Variants in SEPTIN11 observed in about 807,000 individuals in gnomAD.
SEPTIN11 encodes septin 11.
In SEPTIN11, 25 loss-of-function variants were observed where a neutral mutation model predicts 51.4. The observed-to-expected ratio is 0.49, with a 90% CI of 0.35 to 0.68. The LOEUF (loss-of-function observed/expected upper bound fraction) is 0.68, where lower values mean the gene tolerates loss of function less well. Among genes scored for constraint, SEPTIN11 ranks in the 30% least tolerant of loss-of-function variants. The probability of loss-of-function intolerance (pLI) is 0.00; values close to 1 mark genes in which losing one functional copy is unlikely to be tolerated. For missense variants in SEPTIN11, 381 were observed against 520.8 expected (o/e 0.73, Z 2.61); for synonymous variants, 174 against 184.1 (o/e 0.95, Z 0.44).
chr4:76,956,961 G>GGTGTGT (rs1721579024), intron 1 of SEPTIN11, among the ~76,000 whole-genome samples: 1 of 39,384 alleles, frequency 2.5e-5, no homozygotes, highest in African/African-American at 1.2e-4. Flanking sequence ...ATAGTAGAAT[G>GGTGTGT]ATGTGTGTGT....
intron 7 of SEPTIN11, among the ~76,000 whole-genome samples, chr4:77,022,068 A>G (rs1419086102): frequency 6.6e-6 from 1 of 152,232 alleles, no homozygotes; most frequent in African/African-American, 2.4e-5. Context: ...GGTTTAGCTA[A>G]TTGAACCTTG....
At chr4:76,989,500 G>A (rs113191945) in intron 1 of SEPTIN11, among the ~76,000 whole-genome samples, 20 of 152,230 alleles carry the variant, frequency 1.3e-4, no homozygotes, top group African/African-American at 4.3e-4. Flanking sequence ...CACATCTACC[G>A]AAACACTTCA....
chr4:77,004,220 A>T (rs1432248637), intron 2 of SEPTIN11, among the ~76,000 whole-genome samples: 1 of 152,220 alleles, frequency 6.6e-6, no homozygotes, highest in Non-Finnish European at 1.5e-5. Context: ...TACAGTGGTT[A>T]CAGATACCTG....
At chr4:77,017,640 T>C (rs1371720266) in intron 5 of SEPTIN11, among the ~76,000 whole-genome samples, 1 of 152,236 alleles carries the variant, frequency 6.6e-6, no homozygotes, top group Admixed American at 6.5e-5. Context: ...TCTGAGCCAA[T>C]GATTATGCCA....
chr4:76,989,946 G>C (rs528140297), intron 1 of SEPTIN11, among the ~76,000 whole-genome samples: 30 of 152,264 alleles, frequency 2.0e-4, no homozygotes, highest in Non-Finnish European at 3.7e-4. Context: ...AGACCTTCAT[G>C]GTGAGTGTTG....
At chr4:77,031,092 T>C (rs975941251) in intron 9 of SEPTIN11, 122 bp downstream of exon 9, 6 of 909,474 alleles carry the variant, frequency 6.6e-6, no homozygotes, top group East Asian at 5.3e-5. Flanking sequence ...AAGCAAGTAT[T>C]TTCTCTACAG....
chr4:77,039,379 GTGCTGGGATCCCCT>G (rs1254001499), downstream of SEPTIN11: 1 of 1,077,912 alleles, frequency 9.3e-7, no homozygotes, highest in Non-Finnish European at 1.1e-6. Flanking sequence ...CCAAGGTCTT[GTGCTGGGATCCCCT>G]TGCTTAGAAC....
Position 76,988,115 on chromosome 4 carries a change from G to C in SEPTIN11, c.28-8310G>C, listed in dbSNP as rs1429445902. Among the ~76,000 whole-genome samples, 9 of 152,166 alleles carry C rather than the reference G, an allele frequency of 5.9e-5. No individual in the cohort carries two copies. In the East Asian group the frequency reaches 1.7e-3, roughly 29 times the overall value. ...AATATGTGAAACCTGCACATCAGCT[G>C]TACACAGGGGCCGCCTATTAAATTA... is the stretch of plus-strand genomic sequence containing the variant. On this transcript the variant is annotated intron_variant, in intron 1 of 9. Coordinates refer to ENST00000264893, the MANE Select transcript of SEPTIN11 (RefSeq NM_018243.4).
chr4:77,008,546 T>A (rs1260528851), intron 3 of SEPTIN11, among the ~76,000 whole-genome samples: 12 of 152,198 alleles, frequency 7.9e-5, no homozygotes, highest in Non-Finnish European at 2.9e-5. Context: ...TGGTCGTATA[T>A]GAAGTGGAAA....
At chr4:76,977,274 T>C (rs1722545007) in intron 1 of SEPTIN11, among the ~76,000 whole-genome samples, 1 of 152,244 alleles carries the variant, frequency 6.6e-6, no homozygotes, top group Non-Finnish European at 1.5e-5. Flanking sequence ...AAACTATTTG[T>C]AATTACCTCA....
rs1290910038 is a variant in SEPTIN11, at chr4:76,980,497, C to T, written c.28-15928C>T. 2.6e-5 allele frequency among the ~76,000 whole-genome samples: 4 copies of T among 152,084 alleles called. No homozygotes were observed. In the East Asian group the frequency reaches 5.8e-4, roughly 22 times the overall value. On this transcript the variant is annotated intron_variant, in intron 1 of 9. Coordinates refer to ENST00000264893, the MANE Select transcript of SEPTIN11 (RefSeq NM_018243.4). ...ATCGGTGGCTGCAGCTGCCACATTG[C>T]GCTAAACCCACTCCCGGTAATAAGC... is the stretch of plus-strand genomic sequence containing the variant.
intron 6 of SEPTIN11, among the ~76,000 whole-genome samples, chr4:77,019,609 A>C (rs1725551091): frequency 6.6e-6 from 1 of 152,238 alleles, no homozygotes; most frequent in Admixed American, 6.5e-5. Flanking sequence ...GTTTCTTGCA[A>C]ACAAGAGGGT....
Position 77,020,609 on chromosome 4 carries a change from C to T in SEPTIN11, c.892C>T (p.Arg298Ter). The T allele has an allele frequency of 1.2e-6, 2 of 1,614,054 alleles. No homozygotes were observed. Among genetic ancestry groups the T allele is most frequent in the Non-Finnish European group, 1.7e-6 (2 of 1,180,004 alleles). ...TCACACCCGCCACTATGAATTGTAC[C>T]GACGCTGTAAGCTTGAAGAGATGGG... ...QTHTRHYELYRRCKLEEMGFK... is the reference protein window; with the variant it reads ...QTHTRHYELY Residue 298 changes from arginine (R) to a stop codon, truncating the protein, a stop_gained, in exon 7 of 10, where the codon CGA (arginine) becomes TGA (stop). Coordinates refer to ENST00000264893, the MANE Select transcript of SEPTIN11 (RefSeq NM_018243.4). LOFTEE classifies it high-confidence loss of function.
At chr4:77,016,615 CAT>C (rs370267588) in intron 5 of SEPTIN11, among the ~76,000 whole-genome samples, 41 of 79,178 alleles carry the variant, frequency 5.2e-4, no homozygotes, top group African/African-American at 8.9e-4. Flanking sequence ...TATATATACA[CAT>C]ATATATATAT....
chr4:76,956,993 T>TGTATGA (rs769320568), intron 1 of SEPTIN11, among the ~76,000 whole-genome samples: 1 of 98,488 alleles, frequency 1.0e-5, no homozygotes, highest in Admixed American at 1.0e-4. Flanking sequence ...TGTGTGTGTG[T>TGTATGA]GAGAGAGAGA....
intron 2 of SEPTIN11, among the ~76,000 whole-genome samples, chr4:77,001,583 CAG>C (rs1348734283): frequency 6.6e-6 from 1 of 152,174 alleles, no homozygotes; most frequent in African/African-American, 2.4e-5. Context: ...CTCCTGACCT[CAG>C]GTGATCCGCC....
chr4:77,001,442 CA>C (rs1372322791), intron 2 of SEPTIN11, among the ~76,000 whole-genome samples: 2 of 152,032 alleles, frequency 1.3e-5, no homozygotes, highest in Non-Finnish European at 2.9e-5. Flanking sequence ...CTCCGCCTCC[CA>C]GGTTCAACGG....
At chr4:77,007,515 G>A (rs932990440) in intron 3 of SEPTIN11, among the ~76,000 whole-genome samples, 1 of 151,932 alleles carries the variant, frequency 6.6e-6, no homozygotes, top group Admixed American at 6.6e-5. Flanking sequence ...ACTTTCCCTC[G>A]GGCTGCTGGT....
intron 5 of SEPTIN11, among the ~76,000 whole-genome samples, chr4:77,016,615 C>CACATATATATATACACATAT (rs1553975015): frequency 3.0e-4 from 24 of 79,222 alleles, no homozygotes; most frequent in African/African-American, 1.1e-3. Flanking sequence ...TATATATACA[C>CACATATATATATACACATAT]ATATATATAT....
Sources: gnomAD v4.1 joint callset for allele counts (sites outside exome capture counted in the v4.1 genomes callset) on GRCh38, gnomAD v4.1.1 for gene constraint, MANE v1.5 for transcripts, NCBI Gene and HGNC (gene_info 2026-07-23, HGNC 2026-07-21) for gene names.